The following MYZAP variants were observed in gnomAD, a reference collection of about 807,000 sequenced individuals.
MYZAP encodes the protein myocardial zonula adherens protein.
MYZAP carries 66 observed loss-of-function variants against 69.4 expected under a neutral mutation model. The ratio of observed to expected loss-of-function variants is 0.95; its 90% CI spans 0.78 to 1.17. The LOEUF (loss-of-function observed/expected upper bound fraction) is 1.17. Ranked by LOEUF, MYZAP falls within the 50% of genes most tolerant of loss-of-function variation. The pLI is 0.00. For synonymous variants in MYZAP, 256 were observed against 205.9 expected (o/e 1.24, Z -2.09); for missense variants, 611 against 556.2 (o/e 1.10, Z -0.99).
intron 8 of MYZAP, among the ~76,000 whole-genome samples, chr15:57,634,271 G>C (rs529190476): frequency 6.6e-6 from 1 of 152,214 alleles, no homozygotes; most frequent in East Asian, 1.9e-4. Flanking sequence ...CAGGAATTAA[G>C]TAGGAAGTGG....
intron 11 of MYZAP, among the ~76,000 whole-genome samples, chr15:57,665,717 C>T (rs1567235507): frequency 6.6e-6 from 1 of 152,180 alleles, no homozygotes; most frequent in Admixed American, 6.5e-5. Flanking sequence ...CTTCTCAGGT[C>T]TCCATTTGGG....
chr15:57,648,765 T>C (rs2037576899), intron 10 of MYZAP, among the ~76,000 whole-genome samples: 1 of 150,418 alleles, frequency 6.6e-6, no homozygotes, highest in African/African-American at 2.4e-5. Context: ...AATGTTGCCA[T>C]TTTGGCACAC....
intron 1 of MYZAP, among the ~76,000 whole-genome samples, chr15:57,596,597 T>A (rs1323245811): frequency 3.3e-5 from 5 of 152,160 alleles, no homozygotes. Context: ...GTGATCTTTC[T>A]AAAATGCTAA....
At position 57,662,921 on chromosome 15, in the gene MYZAP, A is replaced by C. The variant is rs1249733035; in HGVS notation, c.1203+1388A>C. Among the ~76,000 whole-genome samples the C allele has an allele frequency of 2.6e-5, 4 of 152,210 alleles. No homozygotes were observed. The South Asian group carries it at 6.2e-4, about 24-fold the overall frequency. ...GGGCCTGGCACCAGATTCAACGCCC[A>C]AGAGTCTCTGTCTTTTGAAGCTGAG... On this transcript the variant is annotated intron_variant, in intron 11 of 12. Transcript: ENST00000267853.
chr15:57,627,015 G>A (rs191918989), intron 5 of MYZAP, among the ~76,000 whole-genome samples: 120 of 110,042 alleles, frequency 1.1e-3, no homozygotes, highest in Middle Eastern at 5.1e-3. Flanking sequence ...TCCTGTGGTC[G>A]GGGGGGCTTG....
chr15:57,606,954 C>G lies in MYZAP; in HGVS notation c.162+2599C>G, dbSNP rs2034792031. On this transcript the variant is annotated intron_variant, in intron 2 of 12. Transcript: ENST00000267853. Reference sequence around the variant, plus strand: ...AGTGGAAGTGGTCAGGCTTCAGCTGCTACACCCCTGCTGATGAGCAGGATT... The same window carrying G: ...AGTGGAAGTGGTCAGGCTTCAGCTGGTACACCCCTGCTGATGAGCAGGATT... 2.0e-5 allele frequency among the ~76,000 whole-genome samples: 3 copies of G among 152,200 alleles called. No homozygotes were observed. In the South Asian group the frequency reaches 6.2e-4, roughly 32 times the overall value.
chr15:57,672,540 C>T (rs553954022), intron 11 of MYZAP, among the ~76,000 whole-genome samples: 1 of 152,204 alleles, frequency 6.6e-6, no homozygotes, highest in Non-Finnish European at 1.5e-5. Context: ...GTGCAGCCCC[C>T]ACTCTTTAGC....
In MYZAP at chr15:57,592,096, C is replaced by A; in HGVS notation, c.62C>A (p.Ala21Glu). ...GGCGGCGCCGCCAGGACGCCCGGGG[C>A]GCCCAGCAGGAGGGTGAGTAGCGGG... The part of the protein sequence containing the change: ...LSGGAARTPG[A>E]PSRRANVCRL... The change falls in exon 1 of 13, where the codon GCG becomes GAG. Residue 21 changes from alanine to glutamate, a missense_variant. Coordinates refer to ENST00000267853, the MANE Select transcript of MYZAP (RefSeq NM_001018100.5). 7.3e-7 allele frequency: 1 copy of A among 1,370,354 alleles called. No individual in the cohort carries two copies. Among genetic ancestry groups the A allele is most frequent in the Non-Finnish European group, 9.4e-7 (1 of 1,066,688 alleles). The allele number at this position is 1,370,354 out of a possible 1,614,324, so 84.9% of individuals were successfully genotyped here. A position where few individuals can be genotyped will look rare whatever the true frequency, so the allele number is the denominator to read the frequency against.
intron 1 of MYZAP, among the ~76,000 whole-genome samples, chr15:57,600,089 G>A (rs1057234896): frequency 6.6e-6 from 1 of 152,122 alleles, no homozygotes; most frequent in Non-Finnish European, 1.5e-5. Context: ...AGTTATCAGG[G>A]TATATTTAAA....
chr15:57,667,662 C>G (rs1163965973), intron 11 of MYZAP, among the ~76,000 whole-genome samples: 5 of 152,006 alleles, frequency 3.3e-5, no homozygotes, highest in Non-Finnish European at 5.9e-5. Flanking sequence ...GTCCCACGCT[C>G]TCTAACTCTC....
At chr15:57,649,852 T>A (rs2037639022) in intron 10 of MYZAP, among the ~76,000 whole-genome samples, 1 of 152,212 alleles carries the variant, frequency 6.6e-6, no homozygotes. Flanking sequence ...TCTGTTTTTC[T>A]CCATAGCACT....
intron 6 of MYZAP, among the ~76,000 whole-genome samples, chr15:57,631,306 G>A (rs1171338055): frequency 6.6e-6 from 1 of 152,128 alleles, no homozygotes; most frequent in Non-Finnish European, 1.5e-5. Context: ...GGCATCTGGG[G>A]ACATCATTAG....
chr15:57,652,453 C>T (rs564623389), intron 10 of MYZAP, among the ~76,000 whole-genome samples: 1 of 152,046 alleles, frequency 6.6e-6, no homozygotes, highest in Non-Finnish European at 1.5e-5. Flanking sequence ...AGAGAATGGA[C>T]TTTAAAAAAT....
chr15:57,599,238 A>G (rs1324220964), intron 1 of MYZAP, among the ~76,000 whole-genome samples: 4 of 152,086 alleles, frequency 2.6e-5, no homozygotes, highest in South Asian at 2.1e-4. Context: ...CATTTCCACT[A>G]TGATTTAACC....
intron 6 of MYZAP, among the ~76,000 whole-genome samples, chr15:57,631,788 A>G (rs2036521676): frequency 6.6e-6 from 1 of 152,214 alleles, no homozygotes; most frequent in Admixed American, 6.5e-5. Context: ...TATGCAGCAA[A>G]CTCAGCTCTC....
chr15:57,599,804 A>G lies in MYZAP; in HGVS notation c.76-4465A>G, dbSNP rs947571273. The G allele has an allele frequency of 6.7e-6, 6 of 889,540 alleles. No homozygotes were observed. In the South Asian group the frequency reaches 8.2e-5, roughly 12 times the overall value. The allele number at this position is 889,540 out of a possible 1,614,324, so 55.1% of individuals were successfully genotyped here. A position where few individuals can be genotyped will look rare whatever the true frequency, so the allele number is the denominator to read the frequency against. On this transcript the variant is annotated intron_variant, in intron 1 of 12. Transcript: ENST00000267853. Reference sequence around the variant, plus strand: ...AGGTAGACTGTACTCGGACAACTTTATGGGTGGTTCAGGGGTTACTGTCCT... The same window carrying G: ...AGGTAGACTGTACTCGGACAACTTTGTGGGTGGTTCAGGGGTTACTGTCCT...
intron 2 of MYZAP, among the ~76,000 whole-genome samples, chr15:57,609,562 A>G (rs1414907734): frequency 2.0e-5 from 3 of 152,154 alleles, no homozygotes; most frequent in African/African-American, 4.8e-5. Context: ...TGCTCTCCAT[A>G]TAATTCCTAG....
At chr15:57,615,038 G>A (rs898698340) in intron 2 of MYZAP, among the ~76,000 whole-genome samples, 5 of 152,158 alleles carry the variant, frequency 3.3e-5, no homozygotes, top group Non-Finnish European at 5.9e-5. Context: ...CCCCTGGTGT[G>A]GCTGGTGCTG....
chr15:57,673,786 A>G (rs150216225), intron 11 of MYZAP, among the ~76,000 whole-genome samples: 1,801 of 152,258 alleles, frequency 0.012, 18 homozygotes, highest in African/African-American at 0.029. Flanking sequence ...CTTTCAAAAC[A>G]AATGAGCTTC....
Sources: allele counts gnomAD v4.1 joint callset (sites outside exome capture counted in the v4.1 genomes callset), GRCh38; gene constraint gnomAD v4.1.1; transcripts MANE v1.5; gene names NCBI Gene and HGNC (gene_info 2026-07-23, HGNC 2026-07-21).